HLA-G: variants seen among roughly 807,000 people sequenced by gnomAD.
The protein encoded by HLA-G is major histocompatibility complex, class I, G.
In HLA-G, 34 loss-of-function variants were observed where a neutral mutation model predicts 39.3. That is an observed-to-expected ratio of 0.86 (90% confidence interval 0.66 to 1.15). The LOEUF (loss-of-function observed/expected upper bound fraction) is 1.15, where lower values mean the gene tolerates loss of function less well. HLA-G is among the 50% of genes most tolerant of loss of function. The pLI is 0.00. For synonymous variants in HLA-G, 183 were observed against 185.8 expected, an observed-to-expected ratio of 0.99 and a Z score of 0.12; for missense variants, 419 against 456.4, an observed-to-expected ratio of 0.92 and a Z score of 0.75.
At chr6:29,827,987 G>T in intron 1 of HLA-G, 60 bp from the exon 2 acceptor site, 3 of 1,592,762 alleles carry the variant, frequency 1.9e-6, no homozygotes, top group Middle Eastern at 2.0e-4. Flanking sequence ...CGGGGGCGCA[G>T]GACTCGGCAG....
In HLA-G at chr6:29,828,260, A is replaced by C. The variant is rs1260086927; in HGVS notation, c.287A>C (p.Gln96Pro). ...ACACGGAACACCAAGGCCCACGCAC[A>C]GACTGACAGAATGAACCTGCAGACC... The part of the protein sequence containing the change: ...EETRNTKAHA[Q>P]TDRMNLQTLR... Residue 96 changes from glutamine (Q) to proline (P), a missense_variant, in exon 2 of 7, where the codon CAG (glutamine) becomes CCG (proline). Gln to Pro is a moderately conservative substitution (Grantham distance 76). Coordinates refer to ENST00000360323, the MANE Select transcript of HLA-G (RefSeq NM_001384290.1). 8.7e-6 allele frequency: 14 copies of C among 1,613,514 alleles called. No individual in the cohort carries two copies. The highest frequency in any genetic ancestry group is 1.2e-5 in the Non-Finnish European group (14 of 1,179,826).
chr6:29,828,780 G>T lies in HLA-G; in HGVS notation c.581G>T (p.Arg194Ile). 6.2e-7 allele frequency: 1 copy of T among 1,614,094 alleles called. No individual in the cohort carries two copies. The highest frequency in any genetic ancestry group is 1.1e-5 in the South Asian group (1 of 91,084). The change falls in exon 3 of 7, where the codon AGA becomes ATA. Residue 194 changes from arginine (R) to isoleucine (I), a missense_variant. By Grantham distance (97) the Arg-to-Ile change is moderately conservative. Transcript: ENST00000360323. ...LEGTCVEWLH[R>I]YLENGKEMLQ... ...GGCACGTGCGTGGAGTGGCTCCACA[G>T]ATACCTGGAGAACGGGAAGGAGATG...
In HLA-G at chr6:29,828,139, C is replaced by T; in HGVS notation, c.166C>T (p.Gln56Ter). 1 of 1,613,244 alleles carries T rather than the reference C, an allele frequency of 6.2e-7. No individual in the cohort carries two copies. Among genetic ancestry groups the T allele is most frequent in the Non-Finnish European group, 8.5e-7 (1 of 1,179,844 alleles). ...FIAMGYVDDT[Q>*]FVRFDSDSAC... ...CGCCATGGGCTACGTGGACGACACG[C>T]AGTTCGTGCGGTTCGACAGCGACTC... The change falls in exon 2 of 7, where the codon CAG (glutamine) becomes TAG (stop). Residue 56 changes from glutamine to a stop codon, truncating the protein, a stop_gained. Transcript: ENST00000360323. LOFTEE classifies it high-confidence loss of function.
At chr6:29,830,049 T>C in intron 5 of HLA-G, 117 bp downstream of exon 5, 2 of 774,368 alleles carry the variant, frequency 2.6e-6, no homozygotes, top group Non-Finnish European at 4.4e-6. Context: ...CTCATGGGCC[T>C]ACCCAGCCTG....
chr6:29,827,640 A>C, upstream of HLA-G: 2 of 628,932 alleles, frequency 3.2e-6, no homozygotes, highest in Non-Finnish European at 5.8e-6. Flanking sequence ...CAGGCGGTGT[A>C]TGGGTTGGGG....
chr6:29,827,732 G>C, upstream of HLA-G: 1 of 1,098,244 alleles, frequency 9.1e-7, no homozygotes, highest in South Asian at 1.3e-5. Context: ...GGCGGCCCCA[G>C]TTCTCACTCC....
intron 3 of HLA-G, 130 bp from the exon 4 acceptor site, chr6:29,829,288 G>A (rs941335931): frequency 4.0e-5 from 40 of 1,000,084 alleles, no homozygotes; most frequent in Non-Finnish European, 5.9e-5. Context: ...GTCCAGGCTG[G>A]TGTCTGGGTT....
chr6:29,828,938 G>A (rs1358925074), intron 3 of HLA-G, 120 bp downstream of exon 3: 25 of 1,341,382 alleles, frequency 1.9e-5, no homozygotes, highest in Non-Finnish European at 2.5e-5. Context: ...GGTCCTGAGG[G>A]AGAGGAATCC....
In HLA-G at chr6:29,828,292, G is replaced by C; in HGVS notation, c.319G>C (p.Gly107Arg). 6.2e-7 allele frequency: 1 copy of C among 1,613,274 alleles called. No individual in the cohort carries two copies. Among genetic ancestry groups the C allele is most frequent in the Non-Finnish European group, 8.5e-7 (1 of 1,179,668 alleles). Residue 107 changes from glycine to arginine, a missense_variant, in exon 2 of 7, where the codon GGC becomes CGC. Coordinates refer to ENST00000360323, the MANE Select transcript of HLA-G (RefSeq NM_001384290.1). ...TDRMNLQTLR[G>R]YYNQSEASSH... Reference sequence around the variant, plus strand: ...CAGAATGAACCTGCAGACCCTGCGCGGCTACTACAACCAGAGCGAGGCCAG... The same window carrying C: ...CAGAATGAACCTGCAGACCCTGCGCCGCTACTACAACCAGAGCGAGGCCAG...
chr6:29,828,133 G>A lies in HLA-G; in HGVS notation c.160G>A (p.Asp54Asn), dbSNP rs138289952. 1 of 1,613,220 alleles carries A rather than the reference G, an allele frequency of 6.2e-7. No individual in the cohort carries two copies. Among genetic ancestry groups the A allele is most frequent in the Admixed American group, 1.7e-5 (1 of 60,006 alleles). ...CTTCATCGCCATGGGCTACGTGGAC[G>A]ACACGCAGTTCGTGCGGTTCGACAG... ...PRFIAMGYVD[D>N]TQFVRFDSDS... The change falls in exon 2 of 7, where the codon GAC becomes AAC. Residue 54 changes from aspartate (D) to asparagine (N), a missense_variant. This residue lies in a region of HLA-G where 91 missense variants were observed against 133.4 expected (regional missense o/e 0.68). Coordinates refer to ENST00000360323, the MANE Select transcript of HLA-G (RefSeq NM_001384290.1).
chr6:29,827,697 G>T, upstream of HLA-G: 1 of 798,876 alleles, frequency 1.3e-6, no homozygotes, highest in Non-Finnish European at 2.2e-6. Context: ...ACCTGTGTCG[G>T]GTCCTTCTTC....
rs761503504 is a variant in HLA-G at position 29,829,802 on chromosome 6, A to C, written c.896-14A>C. On this transcript the variant is annotated splice_polypyrimidine_tract_variant and intron_variant, in intron 4 of 6. Coordinates refer to ENST00000360323, the MANE Select transcript of HLA-G (RefSeq NM_001384290.1). Reference sequence around the variant, plus strand: ...CTGGGGGTCAGAGACCCTCACCTTCACCTCCTTTCCCAGAGCAGTCTTCCC... The same window carrying C: ...CTGGGGGTCAGAGACCCTCACCTTCCCCTCCTTTCCCAGAGCAGTCTTCCC... 8.7e-6 allele frequency: 14 copies of C among 1,609,132 alleles called. No individual in the cohort carries two copies. The highest frequency in any genetic ancestry group is 5.0e-5 in the Admixed American group (3 of 59,682).
chr6:29,828,569 G>C lies in HLA-G; in HGVS notation c.370G>C (p.Gly124Arg), dbSNP rs1469252648. The change falls in exon 3 of 7, where the codon GGC becomes CGC. Residue 124 changes from glycine (G) to arginine (R), a missense_variant. Around this residue, in one of 2 missense-constraint regions of HLA-G, gnomAD observed 328 missense variants for 323.0 expected, o/e 1.02. Transcript: ENST00000360323. The stretch of plus-strand genomic sequence containing the variant: ...TTCTCACACCCTCCAGTGGATGATT[G>C]GCTGCGACCTGGGGTCCGACGGACG... ...ASSHTLQWMI[G>R]CDLGSDGRLL... 1 of 1,612,988 alleles carries C rather than the reference G, an allele frequency of 6.2e-7. No homozygotes were observed. The highest frequency in any genetic ancestry group is 8.5e-7 in the Non-Finnish European group (1 of 1,179,956).
rs186170315 is a variant in HLA-G, at chr6:29,830,471, G to A, written c.*28+61G>A. 153 of 1,437,682 alleles carry A rather than the reference G, an allele frequency of 1.1e-4. No individual in the cohort carries two copies. The African/African-American group carries it at 1.9e-3, about 18-fold the overall frequency. 89.1% of individuals were successfully genotyped at this position (1,437,682 alleles called of 1,614,324 possible). ...GGATCTTGTGTTTGGGAGCCCATGGGGGAGCTCACCCACCCCACAATTCCT... is the reference window on the plus strand; with the variant it reads ...GGATCTTGTGTTTGGGAGCCCATGGAGGAGCTCACCCACCCCACAATTCCT... On this transcript the variant is annotated intron_variant, in intron 6 of 6. Coordinates refer to ENST00000360323, the MANE Select transcript of HLA-G (RefSeq NM_001384290.1).
Position 29,827,825 on chromosome 6 carries a change from A to G in HLA-G, c.-20A>G. The G allele has an allele frequency of 6.2e-7, 1 of 1,610,502 alleles. No homozygotes were observed. Among genetic ancestry groups the G allele is most frequent in the Non-Finnish European group, 8.5e-7 (1 of 1,177,760 alleles). ...AGTCCTCGCTCACCCACCCGGACTC[A>G]TTCTCCCCAGACGCCAAGGATGGTG... On this transcript the variant is annotated 5_prime_UTR_variant, in exon 1 of 7. Transcript: ENST00000360323.
intron 5 of HLA-G, 105 bp from the exon 6 acceptor site, chr6:29,830,273 A>T: frequency 7.8e-7 from 1 of 1,286,284 alleles, no homozygotes; most frequent in Non-Finnish European, 1.1e-6. Flanking sequence ...GTCTGCAGTC[A>T]CACATTTCTG....
chr6:29,828,757 C>T lies in HLA-G; in HGVS notation c.558C>T (p.Gly186=). 1.2e-6 allele frequency: 2 copies of T among 1,614,040 alleles called. No individual in the cohort carries two copies. Among genetic ancestry groups the T allele is most frequent in the Non-Finnish European group, 8.5e-7 (1 of 1,180,028 alleles). ...VAEQRRAYLE[G]TCVEWLHRYL... ...AACAAAGGAGAGCCTACCTGGAGGG[C>T]ACGTGCGTGGAGTGGCTCCACAGAT... The change falls in exon 3 of 7, where the codon GGC becomes GGT. Residue 186 remains glycine (G), a synonymous_variant. Transcript: ENST00000360323.
Position 29,828,826 on chromosome 6 carries a change from G to T in HLA-G, c.619+8G>T. 2 of 1,613,984 alleles carry T rather than the reference G, an allele frequency of 1.2e-6. No homozygotes were observed. Among genetic ancestry groups the T allele is most frequent in the Non-Finnish European group, 1.7e-6 (2 of 1,179,986 alleles). The stretch of plus-strand genomic sequence containing the variant: ...AGATGCTGCAGCGCGCGGGTACCAG[G>T]GGCAGTGGGGCGCCTCCCTGATCTC... On this transcript the variant is annotated splice_region_variant and intron_variant, in intron 3 of 6. Coordinates refer to ENST00000360323, the MANE Select transcript of HLA-G (RefSeq NM_001384290.1).
chr6:29,826,535 C>T (rs112835540), upstream of HLA-G, among the ~76,000 whole-genome samples: 185 of 152,082 alleles, frequency 1.2e-3, no homozygotes, highest in Admixed American at 2.8e-3. Context: ...AGTGCTAGAG[C>T]CACAGTTCAG....
Sources: allele counts gnomAD v4.1 joint callset (sites outside exome capture counted in the v4.1 genomes callset), GRCh38; gene constraint gnomAD v4.1.1; regional missense constraint gnomAD v4.1.1; transcripts MANE v1.5; gene names NCBI Gene and HGNC (gene_info 2026-07-23, HGNC 2026-07-21).